ACOXL: variants seen among roughly 807,000 people sequenced by gnomAD.
ACOXL encodes acyl-coenzyme A oxidase-like protein.
ACOXL carries 70 observed loss-of-function variants against 71.9 expected under a neutral mutation model. The ratio of observed to expected loss-of-function variants is 0.97; its 90% CI spans 0.80 to 1.19. ACOXL has a LOEUF of 1.19. Ranked by LOEUF, ACOXL falls within the 50% of genes most tolerant of loss-of-function variation. ACOXL has a pLI of 0.00. For missense variants in ACOXL, 703 were observed against 736.3 expected (o/e 0.95, Z 0.52); for synonymous variants, 253 against 281.6 (o/e 0.90, Z 1.02).
At chr2:111,021,475 G>A (rs1198779594) in intron 14 of ACOXL, among the ~76,000 whole-genome samples, 1 of 152,114 alleles carries the variant, frequency 6.6e-6, no homozygotes, top group Non-Finnish European at 1.5e-5. Flanking sequence ...TAGGGCAAAG[G>A]TGCCAAGAAT....
chr2:111,095,523 T>C (rs1274573874), intron 17 of ACOXL, among the ~76,000 whole-genome samples: 1 of 151,582 alleles, frequency 6.6e-6, no homozygotes, highest in African/African-American at 2.4e-5. Flanking sequence ...CCTGAGTAGC[T>C]GGGATTATAG....
At chr2:110,858,223 G>A (rs1341244009) in intron 10 of ACOXL, among the ~76,000 whole-genome samples, 1 of 152,250 alleles carries the variant, frequency 6.6e-6, no homozygotes, top group Non-Finnish European at 1.5e-5. Context: ...AAGGAAAAAG[G>A]CAATATCCAG....
At chr2:110,749,979 G>A (rs937789281) in intron 1 of ACOXL, among the ~76,000 whole-genome samples, 2 of 152,284 alleles carry the variant, frequency 1.3e-5, no homozygotes, top group South Asian at 2.1e-4. Context: ...TGTGTTTTCC[G>A]TATGACTAGA....
intron 17 of ACOXL, chr2:111,114,294 G>T (rs1238760737): frequency 6.6e-6 from 1 of 152,550 alleles, no homozygotes; most frequent in Non-Finnish European, 1.5e-5. Flanking sequence ...GGCTAGACTG[G>T]GCTTCTGCAC....
intron 12 of ACOXL, among the ~76,000 whole-genome samples, chr2:110,964,584 C>T (rs548792971): frequency 3.9e-5 from 6 of 152,234 alleles, no homozygotes; most frequent in Non-Finnish European, 7.3e-5. Flanking sequence ...GCCTACTCCG[C>T]ACCTAGGCTA....
At chr2:111,018,577 C>T (rs72836307) in intron 14 of ACOXL, among the ~76,000 whole-genome samples, 22,507 of 152,030 alleles carry the variant, frequency 0.15, 1,718 homozygotes, top group East Asian at 0.23. Flanking sequence ...GGGGTCATGG[C>T]CTGATCACAT....
intron 7 of ACOXL, among the ~76,000 whole-genome samples, chr2:110,800,911 G>A (rs1685906128): frequency 6.6e-6 from 1 of 152,160 alleles, no homozygotes; most frequent in Non-Finnish European, 1.5e-5. Flanking sequence ...TGAAAACACT[G>A]GCAATGGCAG....
At chr2:110,882,191 G>T (rs543605199) in intron 10 of ACOXL, among the ~76,000 whole-genome samples, 5 of 151,990 alleles carry the variant, frequency 3.3e-5, no homozygotes, top group African/African-American at 1.2e-4. Flanking sequence ...TCTCATTGTG[G>T]GTTTCATTTT....
At chr2:111,096,685 G>T (rs1173717816) in intron 17 of ACOXL, among the ~76,000 whole-genome samples, 1 of 152,018 alleles carries the variant, frequency 6.6e-6, no homozygotes, top group Non-Finnish European at 1.5e-5. Context: ...TTATTTTTGT[G>T]TCTTGTTTCT....
chr2:110,779,738 G>T (rs1253337538), intron 2 of ACOXL, among the ~76,000 whole-genome samples: 1 of 152,174 alleles, frequency 6.6e-6, no homozygotes, highest in African/African-American at 2.4e-5. Flanking sequence ...AACGATGCTG[G>T]AACAACTAGA....
intron 10 of ACOXL, among the ~76,000 whole-genome samples, chr2:110,882,170 G>A (rs1696740818): frequency 6.6e-6 from 1 of 152,156 alleles, no homozygotes; most frequent in Admixed American, 6.5e-5. Context: ...TTCCAATAGT[G>A]TGTAGTGGTA....
chr2:110,785,601 A>G (rs1022040837), intron 3 of ACOXL, among the ~76,000 whole-genome samples: 2 of 152,130 alleles, frequency 1.3e-5, no homozygotes, highest in African/African-American at 2.4e-5. Flanking sequence ...ATGACATAGC[A>G]ATGGAAGATC....
chr2:110,779,897 G>A (rs904030488), intron 2 of ACOXL, among the ~76,000 whole-genome samples: 2 of 152,174 alleles, frequency 1.3e-5, no homozygotes, highest in African/African-American at 4.8e-5. Flanking sequence ...ATAGGCAGGG[G>A]TTCTTAGAGG....
chr2:111,038,204 A>C (rs1339583975), intron 15 of ACOXL, among the ~76,000 whole-genome samples: 1 of 152,202 alleles, frequency 6.6e-6, no homozygotes, highest in Non-Finnish European at 1.5e-5. Context: ...AGGCACAGAG[A>C]GGTTAATGAG....
At chr2:110,915,425 TA>T (rs746418216) in intron 11 of ACOXL, among the ~76,000 whole-genome samples, 32,342 of 108,276 alleles carry the variant, frequency 0.3, 5,466 homozygotes, top group Non-Finnish European at 0.37. Context: ...TATATATATA[TA>T]TATTTTTTTT....
rs756914698 is a variant in ACOXL, at chr2:111,117,776, AGGCGCGCTCCCGGC to A, written c.1707_1720del (p.Arg570GlnfsTer66). 9 of 1,550,884 alleles carry A rather than the reference AGGCGCGCTCCCGGC, an allele frequency of 5.8e-6. No homozygotes were observed. Among genetic ancestry groups the A allele is most frequent in the Non-Finnish European group, 7.0e-6 (8 of 1,146,792 alleles). ...CCGCTGCAGCCGCGGCCACGGGAAG[AGGCGCGCTCCCGGC>A]GGCCCAAGCTGGGAGCCAAGCTCTA... On this transcript the variant is annotated frameshift_variant, in exon 18 of 18. Coordinates refer to ENST00000439055, the MANE Select transcript of ACOXL (RefSeq NM_001142807.4). LOFTEE classifies it high-confidence loss of function.
At chr2:110,833,496 G>A (rs1269123089) in intron 9 of ACOXL, among the ~76,000 whole-genome samples, 2 of 152,136 alleles carry the variant, frequency 1.3e-5, no homozygotes, top group Non-Finnish European at 2.9e-5. Flanking sequence ...GATGTCCTGT[G>A]GCTTGACTCT....
intron 12 of ACOXL, among the ~76,000 whole-genome samples, chr2:110,962,215 G>T (rs897036559): frequency 1.3e-5 from 2 of 152,226 alleles, no homozygotes; most frequent in African/African-American, 4.8e-5. Flanking sequence ...CTAGCATAGA[G>T]GGCACTGTAG....
At chr2:110,968,599 C>G (rs1166554344) in intron 12 of ACOXL, 4 of 916,444 alleles carry the variant, frequency 4.4e-6, no homozygotes, top group Admixed American at 2.2e-5. Flanking sequence ...AAAAGAAGCC[C>G]AAGAAAGAAG....
Sources: allele counts gnomAD v4.1 joint callset (sites outside exome capture counted in the v4.1 genomes callset), GRCh38; gene constraint gnomAD v4.1.1; transcripts MANE v1.5; gene names NCBI Gene and HGNC (gene_info 2026-07-23, HGNC 2026-07-21).